Variants in FBLN2 observed in about 807,000 individuals in gnomAD.
The protein encoded by FBLN2 is fibulin 2.
A neutral mutation model predicts 123.7 loss-of-function variants in FBLN2; 81 were observed. The observed-to-expected ratio is 0.65, with a 90% confidence interval of 0.55 to 0.79. FBLN2 has a LOEUF of 0.79. FBLN2 is among the 30% of genes least tolerant of loss of function. The probability of loss-of-function intolerance (pLI) is 0.00; values close to 1 mark genes in which losing one functional copy is unlikely to be tolerated. For synonymous variants in FBLN2, 699 were observed against 701.4 expected (o/e 1.00, Z 0.05); for missense variants, 1,603 against 1,681.3 (o/e 0.95, Z 0.81).
intron 2 of FBLN2, among the ~76,000 whole-genome samples, chr3:13,606,403 T>C (rs1422069430): frequency 6.6e-6 from 1 of 152,222 alleles, no homozygotes; most frequent in African/African-American, 2.4e-5. Flanking sequence ...TTTTGTAACC[T>C]ATAGCCTGTG....
At chr3:13,580,834 A>G (rs1293936980) in intron 2 of FBLN2, among the ~76,000 whole-genome samples, 1 of 152,206 alleles carries the variant, frequency 6.6e-6, no homozygotes, top group South Asian at 2.1e-4. Flanking sequence ...CACAGTGCAC[A>G]TTTATTATTG....
At chr3:13,595,359 C>T (rs1223926561) in intron 2 of FBLN2, among the ~76,000 whole-genome samples, 6 of 152,136 alleles carry the variant, frequency 3.9e-5, no homozygotes, top group East Asian at 3.8e-4. Context: ...AGGCAGAGCC[C>T]GCTGCCTGGC....
chr3:13,618,946 T>G lies in FBLN2; in HGVS notation c.1982T>G (p.Leu661Arg). 1 of 1,613,518 alleles carries G rather than the reference T, an allele frequency of 6.2e-7. No homozygotes were observed. The highest frequency in any genetic ancestry group is 1.1e-5 in the South Asian group (1 of 90,938). ...CCGGAAGCCCCACAGGAGCCTGCAC[T>G]GAAGTCAGAATTTTCCCAGGTGGCC... ...PQPEAPQEPA[L>R]KSEFSQVASN... is the part of the protein sequence containing the mutation. Residue 661 changes from leucine to arginine, a missense_variant, in exon 7 of 18, where the codon CTG becomes CGG. Coordinates refer to ENST00000404922, the MANE Select transcript of FBLN2 (RefSeq NM_001004019.2).
At chr3:13,616,226 G>A (rs1705598741) in intron 5 of FBLN2, among the ~76,000 whole-genome samples, 1 of 152,230 alleles carries the variant, frequency 6.6e-6, no homozygotes, top group Admixed American at 6.5e-5. Flanking sequence ...GTACTGGTGT[G>A]AAGGCCAGGT....
At chr3:13,609,040 T>G (rs1332515989) in intron 3 of FBLN2, among the ~76,000 whole-genome samples, 1 of 152,220 alleles carries the variant, frequency 6.6e-6, no homozygotes, top group Non-Finnish European at 1.5e-5. Flanking sequence ...GTGTCCCACT[T>G]CAGGGGGTGC....
chr3:13,631,221 A>T, intron 15 of FBLN2, 108 bp from the exon 16 acceptor site: 1 of 1,373,384 alleles, frequency 7.3e-7, no homozygotes, highest in Non-Finnish European at 9.8e-7. Context: ...TCTTCATTTA[A>T]AAAATGGGCC....
At chr3:13,627,253 T>C (rs1290715686) in intron 10 of FBLN2, among the ~76,000 whole-genome samples, 1 of 152,020 alleles carries the variant, frequency 6.6e-6, no homozygotes, top group African/African-American at 2.4e-5. Flanking sequence ...CCAAGGCCTG[T>C]TGGGTGTGGG....
At chr3:13,568,812 G>T (rs1574948308) in intron 1 of FBLN2, 2 of 985,626 alleles carry the variant, frequency 2.0e-6, no homozygotes. Flanking sequence ...TTGCTCTTGG[G>T]TTTATTATCT....
In FBLN2 at chr3:13,622,680, G is replaced by A. The variant is rs73814621; in HGVS notation, c.2296+765G>A. ...ATGCCTCTTCCTTCTCCTCTCTTAGGCCCCATGTGGGCCAGGCGCCGTGGC... is the reference window on the plus strand; with the variant it reads ...ATGCCTCTTCCTTCTCCTCTCTTAGACCCCATGTGGGCCAGGCGCCGTGGC... On this transcript the variant is annotated intron_variant, in intron 9 of 17. Coordinates refer to ENST00000404922, the MANE Select transcript of FBLN2 (RefSeq NM_001004019.2). Among the ~76,000 whole-genome samples the A allele has an allele frequency of 2.1e-3, 326 of 152,314 alleles. 1 individual carries two copies. The highest frequency in any genetic ancestry group is 7.5e-3 in the African/African-American group (310 of 41,562).
chr3:13,557,269 C>G (rs1451896440), intron 1 of FBLN2, among the ~76,000 whole-genome samples: 1 of 152,220 alleles, frequency 6.6e-6, no homozygotes, highest in African/African-American at 2.4e-5. Flanking sequence ...TAGGAGGGGT[C>G]TAGTCTACTG....
intron 4 of FBLN2, among the ~76,000 whole-genome samples, chr3:13,612,635 C>G (rs1318248321): frequency 6.6e-6 from 1 of 152,158 alleles, no homozygotes; most frequent in East Asian, 1.9e-4. Context: ...CCCACCTCGG[C>G]CTCCCAAAGT....
chr3:13,570,561 A>G lies in FBLN2; in HGVS notation c.206A>G (p.Gln69Arg). 2 of 1,589,992 alleles carry G rather than the reference A, an allele frequency of 1.3e-6. No homozygotes were observed. Among genetic ancestry groups the G allele is most frequent in the Non-Finnish European group, 1.7e-6 (2 of 1,169,640 alleles). ...CAGGGCTGCGCCTGCGAGGGCTACC[A>G]GTACTATGACTGCCTACAGGGTGGC... The part of the protein sequence containing the change: ...VQQGCACEGY[Q>R]YYDCLQGGFV... The change falls in exon 2 of 18, where the codon CAG becomes CGG. Residue 69 changes from glutamine (Q) to arginine (R), a missense_variant. Transcript: ENST00000404922.
chr3:13,574,830 C>T (rs1455349298), intron 2 of FBLN2, among the ~76,000 whole-genome samples: 1 of 152,196 alleles, frequency 6.6e-6, no homozygotes, highest in Admixed American at 6.5e-5. Context: ...CCACTTCCCC[C>T]AAGAGGCTCA....
Position 13,619,029 on chromosome 3 carries a change from G to T in FBLN2, c.2053+12G>T, listed in dbSNP as rs953246260. The stretch of plus-strand genomic sequence containing the variant: ...CAATACCTGCAAAGGTAAGCAGTGT[G>T]GGTGGTGTCTCCAGGACAGGGCCCA... On this transcript the variant is annotated intron_variant, in intron 7 of 17. Transcript: ENST00000404922. 2.5e-6 allele frequency: 4 copies of T among 1,596,794 alleles called. No homozygotes were observed. In the Admixed American group the frequency reaches 5.2e-5, roughly 21 times the overall value.
chr3:13,606,466 A>G (rs954205508), intron 2 of FBLN2, among the ~76,000 whole-genome samples: 12 of 152,202 alleles, frequency 7.9e-5, no homozygotes, highest in Non-Finnish European at 1.6e-4. Context: ...CAGCCTCCCC[A>G]GTCACAAATA....
At chr3:13,552,035 C>T (rs956480989) in intron 1 of FBLN2, among the ~76,000 whole-genome samples, 2 of 152,076 alleles carry the variant, frequency 1.3e-5, no homozygotes, top group Non-Finnish European at 2.9e-5. Context: ...GATGAGGTCT[C>T]ACTTTGTTAC....
In FBLN2 at chr3:13,549,165, G is replaced by C. The variant is rs1415883896; in HGVS notation, c.-85G>C. The C allele has an allele frequency of 2.0e-6, 2 of 982,954 alleles. No individual in the cohort carries two copies. Among genetic ancestry groups the C allele is most frequent in the Non-Finnish European group, 2.4e-6 (2 of 829,054 alleles). The allele number at this position is 982,954 out of a possible 1,614,324, so 60.9% of individuals were successfully genotyped here. A position where few individuals can be genotyped will look rare whatever the true frequency, so the allele number is the denominator to read the frequency against. On this transcript the variant is annotated 5_prime_UTR_variant, in exon 1 of 18. Coordinates refer to ENST00000404922, the MANE Select transcript of FBLN2 (RefSeq NM_001004019.2). ...CCGCCCGGGCTCTCGACGCGCCGAC[G>C]GCCGGGCGGACGGACGGACGGACGC...
chr3:13,613,208 C>G (rs1705462310), intron 4 of FBLN2, among the ~76,000 whole-genome samples: 1 of 152,174 alleles, frequency 6.6e-6, no homozygotes, highest in Non-Finnish European at 1.5e-5. Context: ...ATGTGTATCT[C>G]ATTCTATTGG....
chr3:13,570,778 C>T lies in FBLN2; in HGVS notation c.423C>T (p.His141=), dbSNP rs369403443. ...AGTGCGGCCAGGTGGGCTGCGTCCACGCGGGCCACAAGTACGCCGCTGGCC... is the reference window on the plus strand; with the variant it reads ...AGTGCGGCCAGGTGGGCTGCGTCCATGCGGGCCACAAGTACGCCGCTGGCC... ...CPQCGQVGCV[H]AGHKYAAGHT... is the part of the protein sequence containing the mutation. The change falls in exon 2 of 18, where the codon CAC becomes CAT. Residue 141 remains histidine (H), a synonymous_variant. Coordinates refer to ENST00000404922, the MANE Select transcript of FBLN2 (RefSeq NM_001004019.2). The T allele has an allele frequency of 2.3e-5, 36 of 1,598,940 alleles. No individual in the cohort carries two copies. Among genetic ancestry groups the T allele is most frequent in the African/African-American group, 2.1e-4 (16 of 74,668 alleles).
Sources: allele counts gnomAD v4.1 joint callset (sites outside exome capture counted in the v4.1 genomes callset), GRCh38; gene constraint gnomAD v4.1.1; transcripts MANE v1.5; gene names NCBI Gene and HGNC (gene_info 2026-07-23, HGNC 2026-07-21).